Variants in MAGI2 observed in about 807,000 individuals in gnomAD.
The protein encoded by MAGI2 is membrane-associated guanylate kinase, WW and PDZ domain-containing protein 2.
MAGI2 carries 35 observed loss-of-function variants against 133.3 expected under a neutral mutation model. The observed-to-expected ratio is 0.26, with a 90% CI of 0.20 to 0.35. MAGI2 has a LOEUF of 0.35. Among genes scored for constraint, MAGI2 ranks in the 10% least tolerant of loss-of-function variants. The pLI is 1.00. For synonymous variants in MAGI2, 729 were observed against 710.6 expected (o/e 1.03, Z -0.41); for missense variants, 1,636 against 1,863.4 (o/e 0.88, Z 2.25).
intron 3 of MAGI2, chr7:78,617,799 G>T (rs1807269212): frequency 6.6e-6 from 1 of 151,952 alleles, no homozygotes; most frequent in Non-Finnish European, 1.5e-5. Flanking sequence ...TCGTAACTTG[G>T]TTGGATATCA....
chr7:79,097,485 G>A (rs1817619448), intron 1 of MAGI2, among the ~76,000 whole-genome samples: 1 of 152,202 alleles, frequency 6.6e-6, no homozygotes, highest in Admixed American at 6.5e-5. Flanking sequence ...TAAATCCACA[G>A]AGTTAGGACA....
At chr7:79,088,066 C>G (rs764647627) in intron 1 of MAGI2, among the ~76,000 whole-genome samples, 24 of 152,120 alleles carry the variant, frequency 1.6e-4, no homozygotes, top group South Asian at 8.3e-4. Flanking sequence ...AGCATTGAAA[C>G]TATAAATTAC....
chr7:78,193,225 T>C (rs904609377), intron 12 of MAGI2, among the ~76,000 whole-genome samples: 6 of 151,984 alleles, frequency 3.9e-5, no homozygotes, highest in African/African-American at 1.2e-4. Context: ...GGCTAGGAAA[T>C]TGCAAAAAAG....
chr7:79,161,961 T>A lies in MAGI2; in HGVS notation c.302-154755A>T, dbSNP rs142147385. ...AAAAGGAGTTTATATGGTCAATTAATTCTTGCTGCATTTTATGCAAATAAT... is the reference window on the plus strand; with the variant it reads ...AAAAGGAGTTTATATGGTCAATTAAATCTTGCTGCATTTTATGCAAATAAT... On this transcript the variant is annotated intron_variant, in intron 1 of 21. Coordinates refer to ENST00000354212, the MANE Select transcript of MAGI2 (RefSeq NM_012301.4). 8.4e-3 allele frequency among the ~76,000 whole-genome samples: 1,281 copies of A among 152,190 alleles called. 20 individuals are homozygous for A. Among genetic ancestry groups the A allele is most frequent in the African/African-American group, 0.029 (1,226 of 41,560 alleles).
chr7:79,351,067 C>T lies in MAGI2; in HGVS notation c.301+101953G>A, dbSNP rs937651953. 7.9e-5 allele frequency among the ~76,000 whole-genome samples: 12 copies of T among 152,038 alleles called. No individual in the cohort carries two copies. In the South Asian group the frequency reaches 1.0e-3, roughly 13 times the overall value. On this transcript the variant is annotated intron_variant, in intron 1 of 21. Transcript: ENST00000354212. Reference sequence around the variant, plus strand: ...GTATCTTCAGATTTGAAAATGAAACCGTTAGTTTGATTCTAAAACCAGGAA... The same window carrying T: ...GTATCTTCAGATTTGAAAATGAAACTGTTAGTTTGATTCTAAAACCAGGAA...
At chr7:78,154,623 C>T (rs1026161398) in intron 16 of MAGI2, among the ~76,000 whole-genome samples, 1 of 152,178 alleles carries the variant, frequency 6.6e-6, no homozygotes, top group African/African-American at 2.4e-5. Context: ...ACCACCGATA[C>T]CCAAGCTGCC....
chr7:78,121,960 GAACAT>G (rs1820512263), intron 20 of MAGI2, among the ~76,000 whole-genome samples: 1 of 152,176 alleles, frequency 6.6e-6, no homozygotes, highest in Non-Finnish European at 1.5e-5. Context: ...TGAATCTCAT[GAACAT>G]AACATATAGA....
At chr7:78,384,182 G>A (rs1038488820) in intron 6 of MAGI2, among the ~76,000 whole-genome samples, 1 of 151,954 alleles carries the variant, frequency 6.6e-6, no homozygotes, top group Admixed American at 6.6e-5. Flanking sequence ...GATTGGTTTG[G>A]ACAATGTAGT....
At chr7:78,541,803 G>A (rs947890712) in intron 3 of MAGI2, among the ~76,000 whole-genome samples, 7 of 152,060 alleles carry the variant, frequency 4.6e-5, no homozygotes, top group East Asian at 1.9e-4. Flanking sequence ...TTAAAAGGCC[G>A]GTAAAAGAAG....
At chr7:78,134,886 A>G (rs765883652) in intron 17 of MAGI2, 135 bp downstream of exon 17, 15 of 705,210 alleles carry the variant, frequency 2.1e-5, no homozygotes, top group African/African-American at 7.2e-5. Context: ...GGAAATAATA[A>G]TCAACCTCTG....
chr7:78,895,838 G>T (rs1440006441), intron 2 of MAGI2, among the ~76,000 whole-genome samples: 1 of 152,124 alleles, frequency 6.6e-6, no homozygotes, highest in Non-Finnish European at 1.5e-5. Flanking sequence ...GAAAAAGGGT[G>T]TTCAAAGTTA....
At chr7:78,755,330 T>C (rs914934232) in intron 2 of MAGI2, among the ~76,000 whole-genome samples, 1 of 152,240 alleles carries the variant, frequency 6.6e-6, no homozygotes, top group Non-Finnish European at 1.5e-5. Context: ...CATTTGTTTT[T>C]GGAAACATAC....
At chr7:78,415,902 C>T (rs1798253563) in intron 6 of MAGI2, among the ~76,000 whole-genome samples, 2 of 152,114 alleles carry the variant, frequency 1.3e-5, no homozygotes, top group Admixed American at 1.3e-4. Context: ...GGACACAATC[C>T]AATCCTTTGT....
At chr7:78,730,022 C>A (rs1821214448) in intron 2 of MAGI2, among the ~76,000 whole-genome samples, 1 of 151,990 alleles carries the variant, frequency 6.6e-6, no homozygotes, top group Non-Finnish European at 1.5e-5. Flanking sequence ...AGGCAAGCAC[C>A]CCAACCTCTC....
intron 14 of MAGI2, among the ~76,000 whole-genome samples, chr7:78,171,647 G>A (rs1826118120): frequency 6.6e-6 from 1 of 152,186 alleles, no homozygotes; most frequent in South Asian, 2.1e-4. Flanking sequence ...CTGCTTTGTA[G>A]TTCTGCTAAG....
At chr7:78,835,785 C>A (rs1791570648) in intron 2 of MAGI2, among the ~76,000 whole-genome samples, 1 of 152,166 alleles carries the variant, frequency 6.6e-6, no homozygotes, top group Non-Finnish European at 1.5e-5. Flanking sequence ...TTTATGGTTC[C>A]ATTTTATTTA....
intron 1 of MAGI2, among the ~76,000 whole-genome samples, chr7:79,272,046 C>A (rs539751504): frequency 2.1e-4 from 32 of 152,158 alleles, no homozygotes; most frequent in Admixed American, 9.2e-4. Context: ...ACTATATATA[C>A]AAAAACCATT....
chr7:79,383,816 C>T (rs1285860438), intron 1 of MAGI2, among the ~76,000 whole-genome samples: 6 of 151,200 alleles, frequency 4.0e-5, no homozygotes, highest in South Asian at 2.1e-4. Context: ...AAGGATACTT[C>T]GCTAACATGA....
intron 1 of MAGI2, among the ~76,000 whole-genome samples, chr7:79,311,708 G>T (rs1030345922): frequency 6.6e-6 from 1 of 151,940 alleles, no homozygotes; most frequent in African/African-American, 2.4e-5. Flanking sequence ...TATTCCCACA[G>T]TTATTGAATG....
Sources: gnomAD v4.1 joint callset for allele counts (sites outside exome capture counted in the v4.1 genomes callset) on GRCh38, gnomAD v4.1.1 for gene constraint, MANE v1.5 for transcripts, NCBI Gene and HGNC (gene_info 2026-07-23, HGNC 2026-07-21) for gene names.